The following IL1RAPL2 variants were observed in gnomAD, a reference collection of about 807,000 sequenced individuals.
IL1RAPL2 encodes the protein X-linked interleukin-1 receptor accessory protein-like 2.
A neutral mutation model predicts 44.1 loss-of-function variants in IL1RAPL2; 3 were observed. The ratio of observed to expected loss-of-function variants is 0.07; its 90% confidence interval spans 0.03 to 0.18. The LOEUF (loss-of-function observed/expected upper bound fraction) is 0.18. IL1RAPL2 is among the 10% of genes least tolerant of loss of function. IL1RAPL2 has a pLI of 1.00. For missense variants in IL1RAPL2, 391 were observed against 496.4 expected (o/e 0.79, Z 2.02); for synonymous variants, 181 against 178.8 (o/e 1.01, Z -0.10).
At chrX:105,618,842 G>A (rs2037397260) in intron 6 of IL1RAPL2, among the ~76,000 whole-genome samples, 1 of 111,451 alleles carries the variant, frequency 9.0e-6, no homozygotes, top group Non-Finnish European at 1.9e-5. Context: ...GTTGTTATGA[G>A]CACAGAGTTG....
chrX:104,994,824 A>C (rs1186009208), intron 2 of IL1RAPL2, among the ~76,000 whole-genome samples: 1 of 111,163 alleles, frequency 9.0e-6, no homozygotes, highest in African/African-American at 3.3e-5. Flanking sequence ...GGGAAGACGC[A>C]GAGTTTTTCA....
At chrX:105,220,115 C>T (rs781858444) in intron 3 of IL1RAPL2, 2 of 1,211,050 alleles carry the variant, frequency 1.7e-6, no homozygotes, top group Non-Finnish European at 2.2e-6. Flanking sequence ...TTGGCGAAGC[C>T]GTGCAGCCAC....
intron 5 of IL1RAPL2, among the ~76,000 whole-genome samples, chrX:105,372,184 C>T (rs2035346201): frequency 1.8e-5 from 2 of 110,900 alleles, no homozygotes; most frequent in African/African-American, 6.6e-5. Context: ...GACTGTAATC[C>T]CAGCACTTTG....
At chrX:104,831,841 T>C (rs1190794785) in intron 2 of IL1RAPL2, among the ~76,000 whole-genome samples, 1 of 111,280 alleles carries the variant, frequency 9.0e-6, no homozygotes. Flanking sequence ...CTGAGACTGT[T>C]CCTACATTTA....
chrX:105,060,588 T>TTTC (rs1556039091), intron 2 of IL1RAPL2, among the ~76,000 whole-genome samples: 3 of 103,577 alleles, frequency 2.9e-5, no homozygotes, highest in African/African-American at 1.1e-4. Context: ...TCTTTTTCTT[T>TTTC]TTTTTTTTTT....
At chrX:105,230,751 C>A (rs1478492892) in intron 3 of IL1RAPL2, among the ~76,000 whole-genome samples, 2 of 111,124 alleles carry the variant, frequency 1.8e-5, no homozygotes, top group Non-Finnish European at 3.8e-5. Context: ...AATGGAGCCA[C>A]CATAAACAGC....
At chrX:104,761,701 C>T in intron 2 of IL1RAPL2, among the ~76,000 whole-genome samples, 1 of 111,268 alleles carries the variant, frequency 9.0e-6, no homozygotes. Flanking sequence ...GGGGTACAGG[C>T]GTTAGATAAA....
chrX:105,220,520 C>G (rs1311652869), intron 3 of IL1RAPL2: 42 of 675,673 alleles, frequency 6.2e-5, no homozygotes, highest in Non-Finnish European at 8.4e-5. Flanking sequence ...CCCGCCCTAC[C>G]CGCTCTGACA....
rs751379332 is a variant in IL1RAPL2, at chrX:105,665,734, GTT to G, written c.773-51627_773-51626del. Among the ~76,000 whole-genome samples, 72 of 62,488 alleles carry G rather than the reference GTT, an allele frequency of 1.2e-3. 1 individual carries two copies. The highest frequency in any genetic ancestry group is 4.3e-3 in the African/African-American group (69 of 16,096). The allele number at this position is 62,488 out of a possible 115,157, so 54.3% of individuals were successfully genotyped here. On this transcript the variant is annotated intron_variant, in intron 6 of 10. Coordinates refer to ENST00000372582, the MANE Select transcript of IL1RAPL2 (RefSeq NM_017416.2). Reference sequence around the variant, plus strand: ...CAATAGTTTTTATTTTTGTTTTTTTGTTTTTTTGTTTTTTTTTTTTTGTTGTT... The same window carrying G: ...CAATAGTTTTTATTTTTGTTTTTTTGTTTTTGTTTTTTTTTTTTTGTTGTT...
chrX:104,595,460 T>G (rs778213430), intron 1 of IL1RAPL2, among the ~76,000 whole-genome samples: 10 of 111,390 alleles, frequency 9.0e-5, no homozygotes, highest in Admixed American at 1.9e-4. Flanking sequence ...GAGGAAAGAT[T>G]TAAAAATCTT....
intron 6 of IL1RAPL2, among the ~76,000 whole-genome samples, chrX:105,507,911 C>T (rs1192118082): frequency 9.0e-6 from 1 of 111,302 alleles, no homozygotes; most frequent in Non-Finnish European, 1.9e-5. Context: ...GCCATGTCTA[C>T]AAAAGCAAAT....
chrX:104,710,719 T>A (rs1931442143), intron 2 of IL1RAPL2, among the ~76,000 whole-genome samples: 1 of 111,343 alleles, frequency 9.0e-6, no homozygotes. Flanking sequence ...GATGGTCTCA[T>A]AAAATTATAA....
chrX:105,042,413 C>T (rs757894419), intron 2 of IL1RAPL2, among the ~76,000 whole-genome samples: 2,140 of 109,417 alleles, frequency 0.02, 58 homozygotes, highest in African/African-American at 0.067. Context: ...AACAAGTGGG[C>T]GAAGGATATG....
chrX:105,348,143 A>C (rs1022768246), intron 5 of IL1RAPL2, among the ~76,000 whole-genome samples: 3 of 111,942 alleles, frequency 2.7e-5, no homozygotes, highest in Non-Finnish European at 5.6e-5. Context: ...ATTCTTTGAT[A>C]GCCGGTTCTG....
chrX:105,529,313 A>G (rs775938386), intron 6 of IL1RAPL2, among the ~76,000 whole-genome samples: 1 of 111,209 alleles, frequency 9.0e-6, no homozygotes, highest in South Asian at 3.8e-4. Context: ...TTTATCCTTT[A>G]TAAATAAAAT....
At chrX:104,663,316 G>T (rs1930434539) in intron 2 of IL1RAPL2, among the ~76,000 whole-genome samples, 1 of 111,258 alleles carries the variant, frequency 9.0e-6, no homozygotes, top group South Asian at 3.7e-4. Flanking sequence ...CCACTTCCAA[G>T]TAAAAAGAAA....
intron 2 of IL1RAPL2, among the ~76,000 whole-genome samples, chrX:104,817,780 C>G (rs2147621836): frequency 8.9e-6 from 1 of 111,826 alleles, no homozygotes; most frequent in South Asian, 3.8e-4. Context: ...ATAATAAGCA[C>G]AGTGTCTGAC....
intron 2 of IL1RAPL2, among the ~76,000 whole-genome samples, chrX:105,182,972 C>T (rs1191497363): frequency 9.0e-6 from 1 of 110,827 alleles, no homozygotes; most frequent in Non-Finnish European, 1.9e-5. Flanking sequence ...GGCTCATCCT[C>T]GGGTCTCTGG....
chrX:105,681,736 C>T (rs188019835), intron 6 of IL1RAPL2, among the ~76,000 whole-genome samples: 160 of 110,399 alleles, frequency 1.4e-3, no homozygotes, highest in Middle Eastern at 4.7e-3. Flanking sequence ...CCAGCCTGGG[C>T]GAAAGAGCGA....
Sources: gnomAD v4.1 joint callset for allele counts (sites outside exome capture counted in the v4.1 genomes callset) on GRCh38, gnomAD v4.1.1 for gene constraint, MANE v1.5 for transcripts, NCBI Gene and HGNC (gene_info 2026-07-23, HGNC 2026-07-21) for gene names.